The following TAFA2 variants were observed in gnomAD, a reference collection of about 807,000 sequenced individuals.
TAFA2 encodes the protein chemokine-like protein TAFA-2.
TAFA2 carries 7 observed loss-of-function variants against 18.8 expected under a neutral mutation model. The ratio of observed to expected loss-of-function variants is 0.37; its 90% CI spans 0.21 to 0.70. The LOEUF (loss-of-function observed/expected upper bound fraction) is 0.70. Ranked by LOEUF, TAFA2 falls within the 30% of genes least tolerant of loss-of-function variation. TAFA2 has a pLI of 0.53. For missense variants in TAFA2, 122 were observed against 158.1 expected, an observed-to-expected ratio of 0.77 and a Z score of 1.23; for synonymous variants, 60 against 54.2, an observed-to-expected ratio of 1.11 and a Z score of -0.47.
chr12:62,001,823 C>T (rs1199820529), intron 1 of TAFA2, among the ~76,000 whole-genome samples: 1 of 152,002 alleles, frequency 6.6e-6, no homozygotes, highest in Non-Finnish European at 1.5e-5. Flanking sequence ...ATAACTACAG[C>T]TAATTAAAAA....
intron 1 of TAFA2, among the ~76,000 whole-genome samples, chr12:62,156,216 A>G (rs1208850962): frequency 6.6e-6 from 1 of 152,258 alleles, no homozygotes; most frequent in Non-Finnish European, 1.5e-5. Flanking sequence ...ACTAATGATT[A>G]GGGAAATGCA....
intron 1 of TAFA2, among the ~76,000 whole-genome samples, chr12:61,869,051 T>G (rs1239610141): frequency 6.6e-6 from 1 of 152,190 alleles, no homozygotes; most frequent in Non-Finnish European, 1.5e-5. Context: ...GTGAGTCATT[T>G]GTATATGTTT....
At chr12:61,899,858 A>G (rs746295001) in intron 1 of TAFA2, among the ~76,000 whole-genome samples, 9 of 152,226 alleles carry the variant, frequency 5.9e-5, no homozygotes, top group Non-Finnish European at 1.0e-4. Flanking sequence ...ATTAGGTATT[A>G]TAAGTGATCT....
chr12:61,724,797 G>GTATA (rs1192585681), intron 4 of TAFA2, among the ~76,000 whole-genome samples: 20,883 of 109,408 alleles, frequency 0.19, 1,610 homozygotes, highest in Non-Finnish European at 0.23. Flanking sequence ...GTGTGTGTGT[G>GTATA]TGTGTATACA....
intron 1 of TAFA2, among the ~76,000 whole-genome samples, chr12:62,033,201 C>T (rs1004626900): frequency 6.6e-6 from 1 of 152,150 alleles, no homozygotes; most frequent in Non-Finnish European, 1.5e-5. Flanking sequence ...AGAAATATTA[C>T]CCTTCCTGTG....
chr12:62,059,831 A>G (rs1272073849), intron 1 of TAFA2, among the ~76,000 whole-genome samples: 2 of 152,210 alleles, frequency 1.3e-5, no homozygotes, highest in Non-Finnish European at 2.9e-5. Context: ...TCATTTTTCA[A>G]TTCTGTATAC....
chr12:62,251,076 A>G (rs2062911268), intron 1 of TAFA2, among the ~76,000 whole-genome samples: 1 of 152,200 alleles, frequency 6.6e-6, no homozygotes, highest in Non-Finnish European at 1.5e-5. Flanking sequence ...TCAGAATTTG[A>G]TGTATAAAGT....
chr12:62,248,521 CTTA>C (rs2062897558), intron 1 of TAFA2, among the ~76,000 whole-genome samples: 1 of 152,132 alleles, frequency 6.6e-6, no homozygotes, highest in African/African-American at 2.4e-5. Flanking sequence ...ATGTGTAAAA[CTTA>C]TTATTTTACT....
At chr12:61,811,345 A>G (rs1397008028) in intron 2 of TAFA2, among the ~76,000 whole-genome samples, 1 of 151,428 alleles carries the variant, frequency 6.6e-6, no homozygotes, top group Non-Finnish European at 1.5e-5. Flanking sequence ...GTTGGCAGAG[A>G]AGGGATTTAA....
intron 1 of TAFA2, among the ~76,000 whole-genome samples, chr12:61,870,094 G>C (rs2121227508): frequency 6.6e-6 from 1 of 152,292 alleles, no homozygotes; most frequent in African/African-American, 2.4e-5. Context: ...CCACAAAGTT[G>C]CCAGGCTGTC....
chr12:61,993,683 C>A (rs542447124), intron 1 of TAFA2, among the ~76,000 whole-genome samples: 2 of 152,278 alleles, frequency 1.3e-5, no homozygotes, highest in South Asian at 4.1e-4. Flanking sequence ...CCTTTCTGTC[C>A]ATGCTAATCC....
At chr12:61,939,663 A>G (rs933590543) in intron 1 of TAFA2, among the ~76,000 whole-genome samples, 3 of 152,324 alleles carry the variant, frequency 2.0e-5, no homozygotes, top group Admixed American at 6.5e-5. Context: ...AATTTATGAT[A>G]CACATAAAAT....
intron 1 of TAFA2, among the ~76,000 whole-genome samples, chr12:62,217,482 G>A (rs2062740439): frequency 6.6e-6 from 1 of 152,304 alleles, no homozygotes; most frequent in East Asian, 1.9e-4. Context: ...GTGATTAATG[G>A]ACTAAAACTG....
At chr12:62,049,278 C>T (rs970099728) in intron 1 of TAFA2, among the ~76,000 whole-genome samples, 1 of 152,144 alleles carries the variant, frequency 6.6e-6, no homozygotes, top group African/African-American at 2.4e-5. Context: ...CAAAGAGTCA[C>T]CAAATCATGA....
At position 61,831,261 on chromosome 12, in the gene TAFA2, C is replaced by A. The variant is rs1424370870; in HGVS notation, c.106+36059G>T. ...CTTCCTTGGTGCCTATGCCTTTAAT[C>A]TTTGAAATTGCTGTCATTAACAGTT... On this transcript the variant is annotated intron_variant, in intron 2 of 4. Coordinates refer to ENST00000416284, the MANE Select transcript of TAFA2 (RefSeq NM_178539.5). Among the ~76,000 whole-genome samples the A allele has an allele frequency of 2.0e-5, 3 of 152,038 alleles. 1 individual carries two copies. The highest frequency in any genetic ancestry group is 2.0e-4 in the Admixed American group (3 of 15,228).
chr12:61,879,967 A>G, intron 1 of TAFA2: 1 of 862,026 alleles, frequency 1.2e-6, no homozygotes, highest in Non-Finnish European at 2.0e-6. Flanking sequence ...CTCACCTGGA[A>G]GGGCTGACTG....
In TAFA2 at chr12:62,057,680, T is replaced by A. The variant is rs1041480334; in HGVS notation, c.-2+133579A>T. ...ACTATGCATACTTAAGAAGGTAAAG[T>A]CTAAAATTAATCAGTATCATTACCT... On this transcript the variant is annotated intron_variant, in intron 1 of 4. Transcript: ENST00000416284. Among the ~76,000 whole-genome samples, 72 of 152,332 alleles carry A rather than the reference T, an allele frequency of 4.7e-4. 1 individual carries two copies. The highest frequency in any genetic ancestry group is 1.3e-3 in the African/African-American group (56 of 41,582).
intron 1 of TAFA2, among the ~76,000 whole-genome samples, chr12:62,146,291 T>TC (rs1461214207): frequency 4.0e-5 from 6 of 148,812 alleles, no homozygotes; most frequent in Non-Finnish European, 7.5e-5. Flanking sequence ...CTGCTTTTTT[T>TC]TTTTTTTTTT....
upstream of TAFA2, chr12:62,192,788 G>C (rs1367483585): frequency 6.6e-6 from 1 of 152,158 alleles, no homozygotes; most frequent in African/African-American, 2.4e-5. Context: ...AGCAAACAAC[G>C]GTCCTGCAGA....
Sources: gnomAD v4.1 joint callset for allele counts (sites outside exome capture counted in the v4.1 genomes callset) on GRCh38, gnomAD v4.1.1 for gene constraint, MANE v1.5 for transcripts, NCBI Gene and HGNC (gene_info 2026-07-23, HGNC 2026-07-21) for gene names.